The following MBD5 variants were observed in gnomAD, a reference collection of about 807,000 sequenced individuals.
MBD5 encodes the protein methyl-CpG-binding domain protein 5.
Under a neutral mutation model 117.3 loss-of-function variants are expected in MBD5, and 13 were observed. The observed-to-expected ratio is 0.11, with a 90% CI of 0.07 to 0.18. The LOEUF is 0.18. Among genes scored for constraint, MBD5 ranks in the 10% least tolerant of loss-of-function variants. The pLI is 1.00. For missense variants in MBD5, 1,879 were observed against 2,093.8 expected, an observed-to-expected ratio of 0.90 and a Z score of 2.00; for synonymous variants, 727 against 766.4, an observed-to-expected ratio of 0.95 and a Z score of 0.85.
chr2:148,272,683 A>G (rs1271615163), intron 3 of MBD5, among the ~76,000 whole-genome samples: 1 of 152,108 alleles, frequency 6.6e-6, no homozygotes, highest in African/African-American at 2.4e-5. Flanking sequence ...TTTAGATATT[A>G]ACTCCTTATT....
At chr2:148,168,616 C>T (rs1243288973) in intron 1 of MBD5, among the ~76,000 whole-genome samples, 1 of 152,084 alleles carries the variant, frequency 6.6e-6, no homozygotes, top group Non-Finnish European at 1.5e-5. Flanking sequence ...TGGTGGTACA[C>T]ACCTGGAGTC....
At chr2:148,271,012 G>A (rs909114161) in intron 3 of MBD5, among the ~76,000 whole-genome samples, 6 of 152,040 alleles carry the variant, frequency 3.9e-5, no homozygotes, top group African/African-American at 1.2e-4. Flanking sequence ...GAAAAGATAG[G>A]AATATGAGCT....
At chr2:148,447,131 AAG>A (rs70995315) in intron 4 of MBD5, among the ~76,000 whole-genome samples, 52 of 148,688 alleles carry the variant, frequency 3.5e-4, no homozygotes, top group African/African-American at 9.2e-4. Flanking sequence ...AAGAAAAAGA[AAG>A]AGAGAGAGAG....
intron 11 of MBD5, among the ~76,000 whole-genome samples, chr2:148,498,553 G>A (rs1681773227): frequency 6.6e-6 from 1 of 152,088 alleles, no homozygotes; most frequent in African/African-American, 2.4e-5. Context: ...GGCCAGGCTG[G>A]TCTGGAACTC....
chr2:148,325,680 T>C (rs1702427135), intron 3 of MBD5, among the ~76,000 whole-genome samples: 1 of 152,292 alleles, frequency 6.6e-6, no homozygotes, highest in South Asian at 2.1e-4. Flanking sequence ...TCGGTGGTGA[T>C]ATCCCCTTTA....
chr2:148,390,253 T>G (rs1303320946), intron 4 of MBD5, among the ~76,000 whole-genome samples: 2 of 151,982 alleles, frequency 1.3e-5, no homozygotes, highest in Non-Finnish European at 2.9e-5. Flanking sequence ...TACTCTTGGT[T>G]TCTCTATTCT....
intron 4 of MBD5, among the ~76,000 whole-genome samples, chr2:148,383,492 A>G (rs1421085279): frequency 1.3e-5 from 2 of 152,162 alleles, no homozygotes; most frequent in East Asian, 3.9e-4. Flanking sequence ...GAAGTCCAGG[A>G]CCAGATGGAT....
intron 1 of MBD5, among the ~76,000 whole-genome samples, chr2:148,174,652 A>G (rs1026859199): frequency 6.6e-6 from 1 of 152,024 alleles, no homozygotes; most frequent in Non-Finnish European, 1.5e-5. Flanking sequence ...CTGAATATAC[A>G]TTTCTCAAAA....
intron 4 of MBD5, among the ~76,000 whole-genome samples, chr2:148,342,714 C>T (rs1190267220): frequency 6.6e-6 from 1 of 151,862 alleles, no homozygotes; most frequent in Non-Finnish European, 1.5e-5. Flanking sequence ...TGTTTCCCTG[C>T]TCTGCTTCTT....
chr2:148,052,990 A>G (rs1694762930), intron 1 of MBD5, among the ~76,000 whole-genome samples: 1 of 150,342 alleles, frequency 6.7e-6, no homozygotes, highest in Non-Finnish European at 1.5e-5. Flanking sequence ...AAAGAGAGAG[A>G]CAATGTGTAT....
In MBD5 at chr2:148,438,637, T is replaced by C. The variant is rs1441437594; in HGVS notation, c.-556-19566T>C. On this transcript the variant is annotated intron_variant, in intron 4 of 13. Transcript: ENST00000642680. ...GTATATAGATATATGAGAGGAGATT[T>C]ATTAGGGGACTTGGCTAATGCTATT... Among the ~76,000 whole-genome samples the C allele has an allele frequency of 2.6e-5, 4 of 152,134 alleles. No individual in the cohort carries two copies. The East Asian group carries it at 5.8e-4, about 22-fold the overall frequency.
intron 3 of MBD5, among the ~76,000 whole-genome samples, chr2:148,305,238 G>C (rs1701866111): frequency 6.6e-6 from 1 of 152,170 alleles, no homozygotes; most frequent in African/African-American, 2.4e-5. Flanking sequence ...GGAGGACTCA[G>C]AGGAGCCTAA....
At chr2:148,316,212 A>T (rs756237073) in intron 3 of MBD5, among the ~76,000 whole-genome samples, 88 of 152,302 alleles carry the variant, frequency 5.8e-4, no homozygotes, top group Non-Finnish European at 9.1e-4. Context: ...ATTTGACATG[A>T]GATTTGGATG....
intron 3 of MBD5, among the ~76,000 whole-genome samples, chr2:148,341,346 T>A (rs1574309711): frequency 6.6e-6 from 1 of 151,990 alleles, no homozygotes; most frequent in East Asian, 1.9e-4. Flanking sequence ...GTTTTTTTTT[T>A]TCTTGTTCTC....
rs574772819 is a variant in MBD5, at chr2:148,299,180, G to A, written c.-679-43034G>A. Among the ~76,000 whole-genome samples the A allele has an allele frequency of 8.6e-5, 13 of 151,886 alleles. No individual in the cohort carries two copies. In the East Asian group the frequency reaches 2.3e-3, roughly 27 times the overall value. On this transcript the variant is annotated intron_variant, in intron 3 of 13. Transcript: ENST00000642680. ...GTCTAGCTCTGTCGCCCAGGCTGGA[G>A]TGCAGTGATATGTTCTGGCTCTCTG...
chr2:148,077,606 T>C (rs974435222), intron 1 of MBD5, among the ~76,000 whole-genome samples: 1 of 152,090 alleles, frequency 6.6e-6, no homozygotes, highest in African/African-American at 2.4e-5. Flanking sequence ...GTAAAAACAA[T>C]ATATAGTGTC....
At chr2:148,211,923 A>G (rs1699432373) in intron 2 of MBD5, among the ~76,000 whole-genome samples, 1 of 151,628 alleles carries the variant, frequency 6.6e-6, no homozygotes, top group South Asian at 2.1e-4. Context: ...TTTTTTCTGT[A>G]TTTTTTGTAG....
chr2:148,470,313 C>T lies in MBD5; in HGVS notation c.2370C>T (p.Ser790=), dbSNP rs376037852. The change falls in exon 8 of 14, where the codon AGC becomes AGT. Residue 790 remains serine, a synonymous_variant. Transcript: ENST00000642680. Reference sequence around the variant, plus strand: ...GTTTAATAAATCAGATTCAGGCTAGCGGGAACTGTGGGATGCTCAGTCAGT... The same window carrying T: ...GTTTAATAAATCAGATTCAGGCTAGTGGGAACTGTGGGATGCTCAGTCAGT... ...LAGLINQIQA[S]GNCGMLSQSG... 43 of 1,613,774 alleles carry T rather than the reference C, an allele frequency of 2.7e-5. No individual in the cohort carries two copies. The highest frequency in any genetic ancestry group is 1.6e-4 in the Middle Eastern group (1 of 6,080).
At chr2:148,132,758 A>G (rs991434040) in intron 1 of MBD5, among the ~76,000 whole-genome samples, 4 of 152,172 alleles carry the variant, frequency 2.6e-5, no homozygotes, top group African/African-American at 7.2e-5. Context: ...AAATTCATCA[A>G]TTAATCATAC....
Sources: allele counts gnomAD v4.1 joint callset (sites outside exome capture counted in the v4.1 genomes callset), GRCh38; gene constraint gnomAD v4.1.1; transcripts MANE v1.5; gene names NCBI Gene and HGNC (gene_info 2026-07-23, HGNC 2026-07-21).